ZNF131: variants seen among roughly 807,000 people sequenced by gnomAD.
ZNF131 encodes the protein zinc finger protein 131.
ZNF131 carries 7 observed loss-of-function variants against 60.0 expected under a neutral mutation model. The observed-to-expected ratio is 0.12, with a 90% CI of 0.07 to 0.22. ZNF131 has a LOEUF of 0.22. Among genes scored for constraint, ZNF131 ranks in the 10% least tolerant of loss-of-function variants. The pLI, the probability that ZNF131 is intolerant of heterozygous loss-of-function variation, is 1.00. For synonymous variants in ZNF131, 257 were observed against 253.2 expected (o/e 1.01, Z -0.14); for missense variants, 493 against 740.9 (o/e 0.67, Z 3.88).
chr5:43,138,506 G>T (rs975326196), intron 3 of ZNF131, among the ~76,000 whole-genome samples: 1 of 152,134 alleles, frequency 6.6e-6, no homozygotes. Context: ...TTCAAAATTA[G>T]CCAGGCGTGG....
At chr5:43,145,981 TATTA>T (rs903049923) in intron 4 of ZNF131, among the ~76,000 whole-genome samples, 2 of 152,206 alleles carry the variant, frequency 1.3e-5, no homozygotes, top group African/African-American at 4.8e-5. Flanking sequence ...CAAAGTGGGG[TATTA>T]ATTTCATATT....
In ZNF131 at chr5:43,149,859, G is replaced by GT. The variant is rs1182989179; in HGVS notation, c.371+10556dup. Among the ~76,000 whole-genome samples the GT allele has an allele frequency of 8.6e-5, 13 of 152,000 alleles. 1 individual carries two copies. The highest frequency in any genetic ancestry group is 1.9e-4 in the Non-Finnish European group (13 of 67,988). ...AGGTGCCTGATCAAATCTTTTGCCT[G>GT]TTTTTTAAAATGGGATTATTGTCAA... On this transcript the variant is annotated intron_variant, in intron 4 of 6. Coordinates refer to ENST00000682664, the MANE Select transcript of ZNF131 (RefSeq NM_001330707.2).
At chr5:43,163,308 T>C (rs1041064308) in intron 5 of ZNF131, among the ~76,000 whole-genome samples, 61 of 152,192 alleles carry the variant, frequency 4.0e-4, no homozygotes, top group Admixed American at 2.4e-3. Context: ...TACATTGAGT[T>C]ACCTGCTTTG....
intron 5 of ZNF131, among the ~76,000 whole-genome samples, chr5:43,164,780 G>T (rs982459936): frequency 6.6e-6 from 1 of 152,212 alleles, no homozygotes; most frequent in East Asian, 1.9e-4. Flanking sequence ...CCTTAGAAAT[G>T]ATGTGAGATA....
At chr5:43,146,321 C>G (rs1257106914) in intron 4 of ZNF131, among the ~76,000 whole-genome samples, 2 of 152,140 alleles carry the variant, frequency 1.3e-5, no homozygotes, top group Non-Finnish European at 2.9e-5. Context: ...GGCGCGGTGG[C>G]TCACGCCTGT....
chr5:43,145,150 T>C (rs1008201064), intron 4 of ZNF131, among the ~76,000 whole-genome samples: 1 of 152,060 alleles, frequency 6.6e-6, no homozygotes, highest in Admixed American at 6.6e-5. Flanking sequence ...TGAGACTCAG[T>C]TGCCAGGTTT....
rs756649867 is a variant in ZNF131, at chr5:43,161,733, G to C, written c.856G>C (p.Glu286Gln). ...FKEHMKSHST[E>Q]SFKCEICNKR... ...GGAGCACATGAAATCACACTCCACT[G>C]AGAGTTTCAAGTGTGAAATATGCAA... Residue 286 changes from glutamate (E) to glutamine (Q), a missense_variant, in exon 5 of 7, where the codon GAG (glutamate) becomes CAG (glutamine). Physicochemically the swap from Glu to Gln is conservative, Grantham distance 29 (BLOSUM62 2). Coordinates refer to ENST00000682664, the MANE Select transcript of ZNF131 (RefSeq NM_001330707.2). 9.3e-6 allele frequency: 15 copies of C among 1,614,114 alleles called. No homozygotes were observed. The highest frequency in any genetic ancestry group is 1.3e-5 in the Non-Finnish European group (15 of 1,180,042).
At chr5:43,154,317 G>A (rs553642539) in intron 4 of ZNF131, among the ~76,000 whole-genome samples, 3 of 152,260 alleles carry the variant, frequency 2.0e-5, no homozygotes, top group African/African-American at 7.2e-5. Context: ...GGGAGGCTGA[G>A]GCAGGGGAAT....
chr5:43,140,046 T>C (rs1746605897), intron 4 of ZNF131, among the ~76,000 whole-genome samples: 3 of 152,020 alleles, frequency 2.0e-5, no homozygotes, highest in African/African-American at 7.3e-5. Context: ...TGAAACCCTG[T>C]CTCTACAAAA....
At chr5:43,128,774 C>G (rs1347233775) in intron 3 of ZNF131, among the ~76,000 whole-genome samples, 1 of 150,858 alleles carries the variant, frequency 6.6e-6, no homozygotes, top group Admixed American at 6.6e-5. Flanking sequence ...TTTTTGGAGA[C>G]AGGGTCTTGC....
intron 4 of ZNF131, among the ~76,000 whole-genome samples, chr5:43,154,219 C>A (rs1748680709): frequency 6.6e-6 from 1 of 152,058 alleles, no homozygotes; most frequent in Non-Finnish European, 1.5e-5. Flanking sequence ...TGAGACCAGT[C>A]TGACCAACGT....
At chr5:43,166,498 C>CTACAGGTG (rs1750370596) in intron 5 of ZNF131, among the ~76,000 whole-genome samples, 1 of 149,672 alleles carries the variant, frequency 6.7e-6, no homozygotes, top group Non-Finnish European at 1.5e-5. Flanking sequence ...ATAGCTGGGA[C>CTACAGGTG]TACAGGTGCC....
chr5:43,169,895 A>G (rs1045510072), intron 5 of ZNF131, among the ~76,000 whole-genome samples: 3 of 151,628 alleles, frequency 2.0e-5, no homozygotes, highest in South Asian at 2.1e-4. Flanking sequence ...GTTTCAAGCA[A>G]TTCTCCTGCC....
chr5:43,144,237 CTTTTTTTTTTTTTTTTTTTT>C (rs935655531), intron 4 of ZNF131, among the ~76,000 whole-genome samples: 3 of 65,296 alleles, frequency 4.6e-5, no homozygotes, highest in African/African-American at 6.1e-5. Context: ...TTCTTTCTTT[CTTTTTTTTTTTTTTTTTTTT>C]TTTTTTTTTT....
intron 3 of ZNF131, among the ~76,000 whole-genome samples, chr5:43,128,613 C>G (rs557048558): frequency 2.1e-5 from 3 of 140,934 alleles, no homozygotes; most frequent in Non-Finnish European, 4.5e-5. Flanking sequence ...GCTGAGATGG[C>G]GCCACTGCAC....
intron 3 of ZNF131, among the ~76,000 whole-genome samples, chr5:43,130,245 T>C (rs1579723855): frequency 1.1e-5 from 1 of 87,288 alleles, no homozygotes; most frequent in Admixed American, 1.8e-4. Context: ...GCCTGAGCGA[T>C]AGAGTAAGAC....
At chr5:43,123,436 A>G (rs1034272596) in intron 3 of ZNF131, 126 bp downstream of exon 3, 4 of 685,970 alleles carry the variant, frequency 5.8e-6, no homozygotes, top group Admixed American at 3.4e-5. Context: ...TCAAGACACC[A>G]TAGGAAATAG....
intron 5 of ZNF131, among the ~76,000 whole-genome samples, chr5:43,171,863 A>G (rs533196427): frequency 4.0e-5 from 6 of 151,806 alleles, no homozygotes; most frequent in Non-Finnish European, 8.8e-5. Context: ...CAAGTGATCC[A>G]CCCACCTCGG....
chr5:43,134,269 A>G (rs1192475060), intron 3 of ZNF131, among the ~76,000 whole-genome samples: 1 of 152,210 alleles, frequency 6.6e-6, no homozygotes, highest in Non-Finnish European at 1.5e-5. Context: ...TAAAGAAGCA[A>G]AATGACGTGA....
Sources: allele counts gnomAD v4.1 joint callset (sites outside exome capture counted in the v4.1 genomes callset), GRCh38; gene constraint gnomAD v4.1.1; transcripts MANE v1.5; gene names NCBI Gene and HGNC (gene_info 2026-07-23, HGNC 2026-07-21).